The following ARL15 variants were observed in gnomAD, a reference collection of about 807,000 sequenced individuals.
ARL15 encodes the protein ARF like GTPase 15.
ARL15 carries 19 observed loss-of-function variants against 25.2 expected under a neutral mutation model. The ratio of observed to expected loss-of-function variants is 0.75; its 90% CI spans 0.53 to 1.10. The LOEUF (loss-of-function observed/expected upper bound fraction) is 1.10, where lower values mean the gene tolerates loss of function less well. ARL15 is among the 50% of genes least tolerant of loss of function. The pLI, the probability that ARL15 is intolerant of heterozygous loss-of-function variation, is 0.00. For missense variants in ARL15, 220 were observed against 246.0 expected, an observed-to-expected ratio of 0.89 and a Z score of 0.71; for synonymous variants, 94 against 86.8, an observed-to-expected ratio of 1.08 and a Z score of -0.46.
chr5:54,028,932 G>A (rs1749875326), intron 4 of ARL15, among the ~76,000 whole-genome samples: 1 of 152,144 alleles, frequency 6.6e-6, no homozygotes, highest in Admixed American at 6.5e-5. Context: ...TGAGATGGGA[G>A]GATGGCCTTA....
chr5:54,014,302 A>G (rs990205446), intron 4 of ARL15, among the ~76,000 whole-genome samples: 11 of 152,276 alleles, frequency 7.2e-5, no homozygotes, highest in Admixed American at 7.2e-4. Context: ...GGGAATCACA[A>G]GGAGAACAAC....
intron 4 of ARL15, among the ~76,000 whole-genome samples, chr5:54,051,759 A>G (rs2111989726): frequency 6.6e-6 from 1 of 152,326 alleles, no homozygotes; most frequent in South Asian, 2.1e-4. Flanking sequence ...GCAGTTTCTT[A>G]CAAATACGAC....
At chr5:54,087,665 C>T (rs1008356276) in intron 4 of ARL15, among the ~76,000 whole-genome samples, 9 of 133,734 alleles carry the variant, frequency 6.7e-5, no homozygotes, top group African/African-American at 2.1e-4. Context: ...TGGCATTCAC[C>T]GCTTTCACAA....
At chr5:54,126,808 TTC>T (rs1281580277) in intron 3 of ARL15, among the ~76,000 whole-genome samples, 1 of 152,114 alleles carries the variant, frequency 6.6e-6, no homozygotes, top group Non-Finnish European at 1.5e-5. Flanking sequence ...GCTAATAAAC[TTC>T]TTTTTTTAAA....
At chr5:53,908,482 T>C (rs986876420) in intron 4 of ARL15, among the ~76,000 whole-genome samples, 1 of 152,214 alleles carries the variant, frequency 6.6e-6, no homozygotes, top group African/African-American at 2.4e-5. Flanking sequence ...TAGGAGGATA[T>C]GCATAGGTAA....
At chr5:54,228,678 T>C (rs27943) in intron 1 of ARL15, among the ~76,000 whole-genome samples, 139,426 of 152,222 alleles carry the variant, frequency 0.92, 64,572 homozygotes, top group African/African-American at 0.98. Flanking sequence ...CCTTTTCCTC[T>C]AGCCCATGTA....
intron 4 of ARL15, among the ~76,000 whole-genome samples, chr5:54,077,558 G>C (rs983970384): frequency 6.6e-6 from 1 of 152,226 alleles, no homozygotes; most frequent in Middle Eastern, 3.4e-3. Context: ...CATTATACGG[G>C]GAAACATGAT....
intron 1 of ARL15, among the ~76,000 whole-genome samples, chr5:54,279,911 C>T (rs1398045816): frequency 6.6e-6 from 1 of 152,240 alleles, no homozygotes; most frequent in Non-Finnish European, 1.5e-5. Context: ...AGAAGCACAA[C>T]TAACTGCCGG....
At chr5:54,047,329 T>A (rs1488452470) in intron 4 of ARL15, among the ~76,000 whole-genome samples, 2 of 152,196 alleles carry the variant, frequency 1.3e-5, no homozygotes, top group Non-Finnish European at 2.9e-5. Context: ...GATACTAGCA[T>A]ACCAAAACCA....
At chr5:54,255,640 C>T (rs1177380951) in intron 1 of ARL15, among the ~76,000 whole-genome samples, 1 of 152,090 alleles carries the variant, frequency 6.6e-6, no homozygotes, top group Non-Finnish European at 1.5e-5. Flanking sequence ...ACTTTTTGAG[C>T]GCTAACATGA....
chr5:54,128,300 A>C (rs1435066399), intron 3 of ARL15, among the ~76,000 whole-genome samples: 1 of 152,170 alleles, frequency 6.6e-6, no homozygotes, highest in Non-Finnish European at 1.5e-5. Context: ...ACACACAACA[A>C]AGCATCAGTT....
intron 4 of ARL15, among the ~76,000 whole-genome samples, chr5:53,998,197 G>T (rs910612568): frequency 1.3e-5 from 2 of 151,704 alleles, no homozygotes; most frequent in African/African-American, 4.8e-5. Flanking sequence ...TTTTGTGAGG[G>T]GGACTGAGCC....
intron 1 of ARL15, among the ~76,000 whole-genome samples, chr5:54,208,862 T>C (rs1755951529): frequency 6.6e-6 from 1 of 152,124 alleles, no homozygotes; most frequent in African/African-American, 2.4e-5. Flanking sequence ...CAGATTGGCG[T>C]AGATCAGAAG....
intron 4 of ARL15, among the ~76,000 whole-genome samples, chr5:54,005,388 A>G (rs1561185448): frequency 6.6e-6 from 1 of 152,128 alleles, no homozygotes; most frequent in Non-Finnish European, 1.5e-5. Context: ...TTATAATGGT[A>G]GAGCATATAA....
chr5:53,909,154 T>C (rs982944431), intron 4 of ARL15, among the ~76,000 whole-genome samples: 5 of 151,900 alleles, frequency 3.3e-5, no homozygotes, highest in Non-Finnish European at 5.9e-5. Flanking sequence ...CCAGCAAAAA[T>C]AAATATGGCT....
Position 54,011,781 on chromosome 5 carries a change from C to T in ARL15, c.462+101421G>A, listed in dbSNP as rs187225756. 3.5e-4 allele frequency among the ~76,000 whole-genome samples: 54 copies of T among 152,158 alleles called. 4 individuals are homozygous for T. The highest frequency in any genetic ancestry group is 2.2e-3 in the Admixed American group (33 of 15,296). ...ATCCCAGCACTTTGGGAAACCGAGG[C>T]GGGCGGATCTCGAGGTCAAGAGATC... On this transcript the variant is annotated intron_variant, in intron 4 of 4. Transcript: ENST00000504924.
At chr5:53,949,743 G>T (rs986997674) in intron 4 of ARL15, among the ~76,000 whole-genome samples, 1 of 152,166 alleles carries the variant, frequency 6.6e-6, no homozygotes, top group Non-Finnish European at 1.5e-5. Flanking sequence ...CATATATTCT[G>T]ACAGGAGATT....
chr5:53,991,773 G>C (rs1237238705), intron 4 of ARL15, among the ~76,000 whole-genome samples: 1 of 152,040 alleles, frequency 6.6e-6, no homozygotes, highest in African/African-American at 2.4e-5. Context: ...CGTAGTGGGA[G>C]AGTGATTAAT....
intron 4 of ARL15, among the ~76,000 whole-genome samples, chr5:54,093,278 G>C (rs1352208488): frequency 6.6e-6 from 1 of 152,200 alleles, no homozygotes; most frequent in Non-Finnish European, 1.5e-5. Flanking sequence ...AACATGAAAG[G>C]TGTCCTGGCA....
Sources: allele counts gnomAD v4.1 joint callset (sites outside exome capture counted in the v4.1 genomes callset), GRCh38; gene constraint gnomAD v4.1.1; transcripts MANE v1.5; gene names NCBI Gene and HGNC (gene_info 2026-07-23, HGNC 2026-07-21).